Variants in SEC23IP observed in about 807,000 individuals in gnomAD.
SEC23IP encodes SEC23-interacting protein.
A neutral mutation model predicts 113.4 loss-of-function variants in SEC23IP; 70 were observed. The ratio of observed to expected loss-of-function variants is 0.62; its 90% CI spans 0.51 to 0.75. The LOEUF (loss-of-function observed/expected upper bound fraction) is 0.75, where lower values mean the gene tolerates loss of function less well. Ranked by LOEUF, SEC23IP falls within the 30% of genes least tolerant of loss-of-function variation. The probability of loss-of-function intolerance (pLI) is 0.00; values close to 1 mark genes in which losing one functional copy is unlikely to be tolerated. For missense variants in SEC23IP, 1,160 were observed against 1,204.9 expected, an observed-to-expected ratio of 0.96 and a Z score of 0.55; for synonymous variants, 398 against 421.0, an observed-to-expected ratio of 0.95 and a Z score of 0.67.
chr10:119,932,412 T>C, intron 16 of SEC23IP, 94 bp downstream of exon 16: 1 of 991,696 alleles, frequency 1.0e-6, no homozygotes, highest in South Asian at 1.7e-5. Flanking sequence ...TTTCTAGACT[T>C]TTTGGTTAAA....
chr10:119,904,171 A>G lies in SEC23IP; in HGVS notation c.995A>G (p.Tyr332Cys), dbSNP rs1193764103. 1 of 1,614,212 alleles carries G rather than the reference A, an allele frequency of 6.2e-7. No individual in the cohort carries two copies. Among genetic ancestry groups the G allele is most frequent in the Admixed American group, 1.7e-5 (1 of 60,028 alleles). ...YLYDRIRKAA[Y>C]WEEEPAEVRR... is the part of the protein sequence containing the mutation. ...TATGACCGAATAAGGAAGGCTGCCT[A>G]CTGGGAAGAGGAGCCAGCCGAAGTG... is the stretch of plus-strand genomic sequence containing the variant. The change falls in exon 4 of 19, where the codon TAC becomes TGC. Residue 332 changes from tyrosine (Y) to cysteine (C), a missense_variant. Physicochemically the swap from Tyr to Cys is radical, Grantham distance 194 (BLOSUM62 -2). Coordinates refer to ENST00000369075, the MANE Select transcript of SEC23IP (RefSeq NM_007190.4).
Position 119,907,253 on chromosome 10 carries a change from G to A in SEC23IP, c.1102-1788G>A, listed in dbSNP as rs369013326. On this transcript the variant is annotated intron_variant, in intron 4 of 18. Transcript: ENST00000369075. ...GGAGGTTGCGGTGAGCTGAGATCAC[G>A]CCATTGCACTCCAACCTGGGTGACA... Among the ~76,000 whole-genome samples the A allele has an allele frequency of 2.3e-3, 354 of 151,054 alleles. 18 individuals are homozygous for A. The South Asian group carries it at 0.071, about 30-fold the overall frequency.
intron 15 of SEC23IP, among the ~76,000 whole-genome samples, chr10:119,931,384 G>C (rs1855594471): frequency 6.7e-6 from 1 of 149,302 alleles, no homozygotes; most frequent in Non-Finnish European, 1.5e-5. Flanking sequence ...ATTTTAAATA[G>C]AGACAGGGTC....
chr10:119,928,878 G>GTAA (rs1855501149), intron 13 of SEC23IP, among the ~76,000 whole-genome samples: 1 of 152,248 alleles, frequency 6.6e-6, no homozygotes, highest in Non-Finnish European at 1.5e-5. Context: ...AGTAACAGAA[G>GTAA]TAATGCTCAT....
chr10:119,898,513 T>C lies in SEC23IP; in HGVS notation c.250T>C (p.Ser84Pro), dbSNP rs113508471. The part of the protein sequence containing the change: ...TSAPQTFSYF[S>P]QVSSSSDPFG... ...TGCCCCACAGACATTTAGTTACTTC[T>C]CTCAGGTATCAAGCAGCAGTGATCC... Residue 84 changes from serine to proline, a missense_variant, in exon 2 of 19, where the codon TCT becomes CCT. Coordinates refer to ENST00000369075, the MANE Select transcript of SEC23IP (RefSeq NM_007190.4). 6.2e-7 allele frequency: 1 copy of C among 1,614,146 alleles called. No individual in the cohort carries two copies. Among genetic ancestry groups the C allele is most frequent in the South Asian group, 1.1e-5 (1 of 91,084 alleles).
At chr10:119,911,510 C>T in intron 5 of SEC23IP, among the ~76,000 whole-genome samples, 1 of 151,882 alleles carries the variant, frequency 6.6e-6, no homozygotes, top group South Asian at 2.1e-4. Flanking sequence ...GGATTTTGCT[C>T]TGTTGCCCAG....
At chr10:119,917,690 A>G (rs957501821) in intron 8 of SEC23IP, 146 bp from the exon 9 acceptor site, 4 of 626,786 alleles carry the variant, frequency 6.4e-6, no homozygotes, top group African/African-American at 5.5e-5. Context: ...ATCTTGATTT[A>G]TTTATAATGA....
rs2088882094 is a variant in SEC23IP at position 119,942,439 on chromosome 10, AACATAT to A, written c.*1875_*1880del. ...CCTGAGGGTAGAGTCTTTATGTATG[AACATAT>A]TGTTCACTGTTGTAACCACCTTGCA... On this transcript the variant is annotated 3_prime_UTR_variant, in exon 19 of 19. Transcript: ENST00000369075. 1 of 152,142 alleles carries A rather than the reference AACATAT, an allele frequency of 6.6e-6. No individual in the cohort carries two copies. The highest frequency in any genetic ancestry group is 1.5e-5 in the Non-Finnish European group (1 of 68,034). The allele number at this position is 152,142 out of a possible 1,614,324, so 9.4% of individuals were successfully genotyped here.
At chr10:119,918,766 C>T (rs1855138947) in intron 10 of SEC23IP, among the ~76,000 whole-genome samples, 1 of 152,034 alleles carries the variant, frequency 6.6e-6, no homozygotes, top group African/African-American at 2.4e-5. Context: ...CAGTTATAGG[C>T]CCAAATATAA....
chr10:119,892,818 CG>C lies in SEC23IP; in HGVS notation c.37del (p.Ala13ProfsTer89). On this transcript the variant is annotated frameshift_variant, in exon 1 of 19. Coordinates refer to ENST00000369075, the MANE Select transcript of SEC23IP (RefSeq NM_007190.4). LOFTEE classifies it high-confidence loss of function. ...GAAAACCTAACGGTGGCAGCGGCGG[CG>C]CCTCCACTTCCTCATCGGGCACTAA... ...ERKPNGGSGG[A>X]STSSSGTNLL... 6.2e-7 allele frequency: 1 copy of C among 1,612,648 alleles called. No homozygotes were observed. The highest frequency in any genetic ancestry group is 8.5e-7 in the Non-Finnish European group (1 of 1,179,542).
In SEC23IP at chr10:119,942,042, A is replaced by G. The variant is rs1275036806; in HGVS notation, c.*1477A>G. ...TTCATTTCTCTCTCTCAGGACTACT[A>G]CTTTTTAATTACTTTTCACTTAATT... On this transcript the variant is annotated 3_prime_UTR_variant, in exon 19 of 19. Transcript: ENST00000369075. The G allele has an allele frequency of 2.6e-5, 4 of 152,154 alleles. No homozygotes were observed. Among genetic ancestry groups the G allele is most frequent in the Non-Finnish European group, 5.9e-5 (4 of 68,038 alleles). 9.4% of individuals were successfully genotyped at this position (152,154 alleles called of 1,614,324 possible). A position where few individuals can be genotyped will look rare whatever the true frequency, so the allele number is the denominator to read the frequency against.
intron 1 of SEC23IP, among the ~76,000 whole-genome samples, chr10:119,893,268 A>G (rs1242484292): frequency 6.6e-6 from 1 of 152,138 alleles, no homozygotes; most frequent in Non-Finnish European, 1.5e-5. Flanking sequence ...TAAATTAAAC[A>G]GTGGCCCTCT....
chr10:119,917,802 T>C (rs1855102900), intron 8 of SEC23IP, 34 bp from the exon 9 acceptor site: 3 of 1,528,992 alleles, frequency 2.0e-6, no homozygotes, highest in Non-Finnish European at 2.7e-6. Flanking sequence ...AGGTAGATGC[T>C]GACTGAATGT....
intron 1 of SEC23IP, among the ~76,000 whole-genome samples, chr10:119,897,951 G>A (rs1320750397): frequency 6.6e-6 from 1 of 151,352 alleles, no homozygotes; most frequent in Admixed American, 6.6e-5. Flanking sequence ...CTTGCAGTGA[G>A]CTGAGATTGC....
At chr10:119,917,352 A>G (rs1424246356) in intron 8 of SEC23IP, among the ~76,000 whole-genome samples, 1 of 151,474 alleles carries the variant, frequency 6.6e-6, no homozygotes, top group Non-Finnish European at 1.5e-5. Context: ...GGTGTGTGCC[A>G]TGACTTGTGG....
intron 1 of SEC23IP, among the ~76,000 whole-genome samples, chr10:119,895,705 A>G (rs61870586): frequency 0.055 from 8,400 of 152,210 alleles, 431 homozygotes; most frequent in South Asian, 0.27. Context: ...AGAGACAGGC[A>G]TATGTGAAGT....
At chr10:119,915,042 G>T (rs558565620) in intron 7 of SEC23IP, among the ~76,000 whole-genome samples, 6 of 152,194 alleles carry the variant, frequency 3.9e-5, no homozygotes, top group Non-Finnish European at 7.3e-5. Context: ...AAGGGATCTT[G>T]GAAGTAGTTT....
intron 18 of SEC23IP, among the ~76,000 whole-genome samples, chr10:119,939,142 G>C (rs1056517672): frequency 7.3e-5 from 11 of 151,138 alleles, no homozygotes; most frequent in Admixed American, 7.3e-4. Flanking sequence ...GACATTACTT[G>C]TCTCTACTAA....
intron 13 of SEC23IP, among the ~76,000 whole-genome samples, chr10:119,927,037 G>T (rs115490107): frequency 0.013 from 2,046 of 152,150 alleles, 46 homozygotes; most frequent in African/African-American, 0.046. Context: ...GTAGCTGGGA[G>T]TGTAGCCCTG....
Sources: allele counts gnomAD v4.1 joint callset (sites outside exome capture counted in the v4.1 genomes callset), GRCh38; gene constraint gnomAD v4.1.1; transcripts MANE v1.5; gene names NCBI Gene and HGNC (gene_info 2026-07-23, HGNC 2026-07-21).